The following RNF169 variants were observed in gnomAD, a reference collection of about 807,000 sequenced individuals.
The protein encoded by RNF169 is ring finger protein 169, also known as E3 ubiquitin-protein ligase RNF169.
A neutral mutation model predicts 53.9 loss-of-function variants in RNF169; 24 were observed. The ratio of observed to expected loss-of-function variants is 0.45; its 90% CI spans 0.32 to 0.63. RNF169 has a LOEUF of 0.63. Ranked by LOEUF, RNF169 falls within the 20% of genes least tolerant of loss-of-function variation. The probability of loss-of-function intolerance (pLI) is 0.04; values close to 1 mark genes in which losing one functional copy is unlikely to be tolerated. For synonymous variants in RNF169, 396 were observed against 363.5 expected (o/e 1.09, Z -1.02); for missense variants, 883 against 906.2 (o/e 0.97, Z 0.33).
At chr11:74,791,589 A>G (rs145757441) in intron 2 of RNF169, among the ~76,000 whole-genome samples, 200 of 152,312 alleles carry the variant, frequency 1.3e-3, no homozygotes, top group African/African-American at 4.6e-3. Context: ...CAGCATCACC[A>G]TGAGTCTGCT....
chr11:74,766,513 G>C (rs2035177100), intron 1 of RNF169, among the ~76,000 whole-genome samples: 1 of 152,150 alleles, frequency 6.6e-6, no homozygotes, highest in African/African-American at 2.4e-5. Context: ...TGTGACAATA[G>C]TTTTCTGGTT....
At chr11:74,751,895 G>A (rs1451745316) in intron 1 of RNF169, among the ~76,000 whole-genome samples, 2 of 152,126 alleles carry the variant, frequency 1.3e-5, no homozygotes, top group African/African-American at 2.4e-5. Context: ...AATAGGCAGT[G>A]CATTCACAGG....
chr11:74,771,429 T>C (rs1017762656), intron 1 of RNF169, among the ~76,000 whole-genome samples: 5 of 152,224 alleles, frequency 3.3e-5, no homozygotes, highest in African/African-American at 1.2e-4. Context: ...AACTGGTCGC[T>C]ATTATGGCTT....
chr11:74,775,184 G>A (rs1461967803), intron 1 of RNF169, among the ~76,000 whole-genome samples: 1 of 152,086 alleles, frequency 6.6e-6, no homozygotes, highest in Non-Finnish European at 1.5e-5. Context: ...GAAATTGATG[G>A]TGCTGGAGAG....
intron 2 of RNF169, among the ~76,000 whole-genome samples, chr11:74,809,171 T>C (rs1234381576): frequency 1.3e-5 from 2 of 152,132 alleles, no homozygotes; most frequent in Non-Finnish European, 2.9e-5. Flanking sequence ...AAATATCCAT[T>C]TGTTCTTTAG....
rs942522520 is a variant in RNF169, at chr11:74,837,759, C to T, written c.*1029C>T. ...AGTCAGGCAAGGAACAATACTTAAA[C>T]TCCATACTATGGAAACAAGGTATCT... On this transcript the variant is annotated 3_prime_UTR_variant, in exon 6 of 6. Transcript: ENST00000299563. 6.6e-6 allele frequency: 1 copy of T among 152,236 alleles called. No homozygotes were observed. The highest frequency in any genetic ancestry group is 1.5e-5 in the Non-Finnish European group (1 of 68,048). 9.4% of individuals were successfully genotyped at this position (152,236 alleles called of 1,614,324 possible).
rs371056127 is a variant in RNF169, at chr11:74,772,970, A to T, written c.503-16656A>T. ...TCAATAAATGTTAGTGACAATAGAAATATTTAATCCGTAATGGAGATGTAC... is the reference window on the plus strand; with the variant it reads ...TCAATAAATGTTAGTGACAATAGAATTATTTAATCCGTAATGGAGATGTAC... On this transcript the variant is annotated intron_variant, in intron 1 of 5. Coordinates refer to ENST00000299563, the MANE Select transcript of RNF169 (RefSeq NM_001098638.2). 3.9e-5 allele frequency among the ~76,000 whole-genome samples: 6 copies of T among 152,330 alleles called. No homozygotes were observed. The East Asian group carries it at 1.2e-3, about 29-fold the overall frequency.
chr11:74,785,941 CT>C (rs796451609), intron 1 of RNF169, among the ~76,000 whole-genome samples: 27,124 of 129,896 alleles, frequency 0.21, 1,984 homozygotes, highest in South Asian at 0.35. Flanking sequence ...GTTTTCTTTT[CT>C]TTTTTTTTTT....
intron 1 of RNF169, among the ~76,000 whole-genome samples, chr11:74,788,302 A>AACACACACACAC (rs140848727): frequency 3.3e-5 from 5 of 150,118 alleles, no homozygotes; most frequent in Admixed American, 1.3e-4. Flanking sequence ...CATAAACATA[A>AACACACACACAC]ACACACACAC....
At chr11:74,798,929 T>A (rs1358179603) in intron 2 of RNF169, among the ~76,000 whole-genome samples, 2 of 151,970 alleles carry the variant, frequency 1.3e-5, no homozygotes, top group Non-Finnish European at 2.9e-5. Flanking sequence ...TCGTGCATGC[T>A]TGTGGTTTCA....
rs1230669226 is a variant in RNF169 at position 74,836,931 on chromosome 11, G to A, written c.*201G>A. 9.5e-6 allele frequency: 5 copies of A among 523,720 alleles called. No homozygotes were observed. Among genetic ancestry groups the A allele is most frequent in the Non-Finnish European group, 1.0e-5 (3 of 298,692 alleles). 32.4% of individuals were successfully genotyped at this position (523,720 alleles called of 1,614,324 possible). ...TGTGACCCAGGCCAGAAGCCTGAGTGACCCATCCCTAAGGGCTTCTGGGCC... is the reference window on the plus strand; with the variant it reads ...TGTGACCCAGGCCAGAAGCCTGAGTAACCCATCCCTAAGGGCTTCTGGGCC... On this transcript the variant is annotated 3_prime_UTR_variant, in exon 6 of 6. Transcript: ENST00000299563.
chr11:74,792,918 G>A (rs1440153421), intron 2 of RNF169, among the ~76,000 whole-genome samples: 3 of 152,068 alleles, frequency 2.0e-5, no homozygotes, highest in Admixed American at 6.6e-5. Flanking sequence ...GTTAGCTACC[G>A]GTCCATCTCA....
rs2036265089 is a variant in RNF169, at chr11:74,836,840, A to G, written c.*110A>G. ...TATTTTAATGGCAAAACACTGTCTA[A>G]TATGGTTCTGAGAGGTTCCAGGGCC... On this transcript the variant is annotated 3_prime_UTR_variant, in exon 6 of 6. Coordinates refer to ENST00000299563, the MANE Select transcript of RNF169 (RefSeq NM_001098638.2). 1.2e-6 allele frequency: 1 copy of G among 829,990 alleles called. No individual in the cohort carries two copies. Among genetic ancestry groups the G allele is most frequent in the South Asian group, 1.8e-5 (1 of 55,498 alleles). 51.4% of individuals were successfully genotyped at this position (829,990 alleles called of 1,614,324 possible).
chr11:74,776,791 C>A (rs937424991), intron 1 of RNF169, among the ~76,000 whole-genome samples: 1 of 152,124 alleles, frequency 6.6e-6, no homozygotes, highest in Admixed American at 6.5e-5. Context: ...GGAAGAAAAT[C>A]ATTCTGGGAG....
chr11:74,834,876 A>G, intron 5 of RNF169, 101 bp downstream of exon 5: 3 of 721,014 alleles, frequency 4.2e-6, no homozygotes, highest in Non-Finnish European at 6.8e-6. Context: ...AAGAAGCAGA[A>G]TGAGCCCAGG....
rs2036260877 is a variant in RNF169, at chr11:74,836,593, C to T, written c.1990C>T (p.Gln664Ter). 1.9e-6 allele frequency: 3 copies of T among 1,614,012 alleles called. No individual in the cohort carries two copies. The highest frequency in any genetic ancestry group is 1.7e-5 in the Admixed American group (1 of 59,998). Residue 664 changes from glutamine (Q) to a stop codon, truncating the protein, a stop_gained, in exon 6 of 6, where the codon CAG becomes TAG. Coordinates refer to ENST00000299563, the MANE Select transcript of RNF169 (RefSeq NM_001098638.2). LOFTEE classifies it high-confidence loss of function. ...CCTGCGAGAGATGGAGCAGAAGCTT[C>T]AGCAAGAGGAAGAAGACCGACAGTT... ...PVLREMEQKLQQEEEDRQLAL... is the reference protein window; with the variant it reads ...PVLREMEQKL
Position 74,751,067 on chromosome 11 carries a change from C to T in RNF169, c.502+1685C>T, listed in dbSNP as rs560752521. 5.9e-5 allele frequency among the ~76,000 whole-genome samples: 9 copies of T among 151,978 alleles called. No individual in the cohort carries two copies. In the South Asian group the frequency reaches 6.2e-4, roughly 11 times the overall value. On this transcript the variant is annotated intron_variant, in intron 1 of 5. Coordinates refer to ENST00000299563, the MANE Select transcript of RNF169 (RefSeq NM_001098638.2). ...TGTAATTTTAGTAGAGACGGGGTTT[C>T]GCCATGTTGGCCAGACTGGTTTCGA...
chr11:74,795,832 G>A (rs903463330), intron 2 of RNF169, among the ~76,000 whole-genome samples: 6 of 152,156 alleles, frequency 3.9e-5, no homozygotes, highest in Non-Finnish European at 8.8e-5. Context: ...ACTCCATCCT[G>A]GGTGACAGAG....
At chr11:74,769,054 A>C (rs2035219358) in intron 1 of RNF169, among the ~76,000 whole-genome samples, 1 of 152,112 alleles carries the variant, frequency 6.6e-6, no homozygotes, top group African/African-American at 2.4e-5. Flanking sequence ...CAAAACAAAC[A>C]CACCAGAAAC....
Sources: allele counts gnomAD v4.1 joint callset (sites outside exome capture counted in the v4.1 genomes callset), GRCh38; gene constraint gnomAD v4.1.1; transcripts MANE v1.5; gene names NCBI Gene and HGNC (gene_info 2026-07-23, HGNC 2026-07-21).